Variants in JMJD1C observed in about 807,000 individuals in gnomAD.
JMJD1C encodes jumonji domain containing 1C, also known as jumonji domain-containing protein 1C.
Under a neutral mutation model 245.3 loss-of-function variants are expected in JMJD1C, and 31 were observed. That is an observed-to-expected ratio of 0.13 (90% CI 0.09 to 0.17). The LOEUF (loss-of-function observed/expected upper bound fraction) is 0.17, where lower values mean the gene tolerates loss of function less well. Among genes scored for constraint, JMJD1C ranks in the 10% least tolerant of loss-of-function variants. The pLI is 1.00. For synonymous variants in JMJD1C, 1,057 were observed against 1,017.4 expected, an observed-to-expected ratio of 1.04 and a Z score of -0.74; for missense variants, 2,691 against 3,000.2, an observed-to-expected ratio of 0.90 and a Z score of 2.41.
rs1847857361 is a variant in JMJD1C, at chr10:63,215,362, G to C, written c.916C>G (p.Gln306Glu). 1.2e-6 allele frequency: 2 copies of C among 1,613,690 alleles called. No individual in the cohort carries two copies. Among genetic ancestry groups the C allele is most frequent in the African/African-American group, 2.7e-5 (2 of 74,848 alleles). The part of the protein sequence containing the change: ...PKQNTHQQQQ[Q>E]RSIRPNKRKG... ...CTCTTATTTGGACGGATACTTCTTT[G>C]TTGCTGTTGCTGGTGTGTATTCTGT... The change falls in exon 7 of 26, where the codon CAA (glutamine) becomes GAA (glutamate). Residue 306 changes from glutamine (Q) to glutamate (E), a missense_variant. Transcript: ENST00000399262.
At position 63,191,064 on chromosome 10, in the gene JMJD1C, C is replaced by T. The variant is rs1226263650; in HGVS notation, c.6121G>A (p.Glu2041Lys). 4 of 1,613,942 alleles carry T rather than the reference C, an allele frequency of 2.5e-6. No individual in the cohort carries two copies. The Admixed American group carries it at 5.0e-5, about 20-fold the overall frequency. ...TLENQIKEER[E>K]QDNSESPNGR... ...TTTGGAGATTCAGAGTTGTCTTGTT[C>T]TCTTTCTTCTTTAATTTGGTTTTCA... The change falls in exon 17 of 26, where the codon GAA (glutamate) becomes AAA (lysine). Residue 2041 changes from glutamate (E) to lysine (K), a missense_variant. Physicochemically the swap from Glu to Lys is moderately conservative, Grantham distance 56. Coordinates refer to ENST00000399262, the MANE Select transcript of JMJD1C (RefSeq NM_032776.3).
intron 21 of JMJD1C, 115 bp from the exon 22 acceptor site, chr10:63,183,684 G>A: frequency 1.7e-6 from 1 of 578,040 alleles, no homozygotes; most frequent in South Asian, 3.8e-5. Context: ...TTGAGTTTTA[G>A]TTTCCTTATT....
At chr10:63,266,182 G>A (rs554403270) in intron 2 of JMJD1C, among the ~76,000 whole-genome samples, 20 of 151,784 alleles carry the variant, frequency 1.3e-4, no homozygotes, top group African/African-American at 4.3e-4. Context: ...ACTTATTTTC[G>A]ATATTTAAGA....
At chr10:63,347,362 T>TCACG (rs1943931820) in intron 2 of JMJD1C, among the ~76,000 whole-genome samples, 1 of 151,166 alleles carries the variant, frequency 6.6e-6, no homozygotes, top group African/African-American at 2.4e-5. Flanking sequence ...CGCGGGTGGA[T>TCACG]CACGAGGTCA....
intron 2 of JMJD1C, among the ~76,000 whole-genome samples, chr10:63,349,101 A>C (rs1282156398): frequency 8.4e-5 from 2 of 23,898 alleles, no homozygotes; most frequent in East Asian, 8.1e-4. Flanking sequence ...ACTCTGTCTC[A>C]AAAAAAAAAA....
intron 1 of JMJD1C, among the ~76,000 whole-genome samples, chr10:63,431,678 T>C (rs1478082458): frequency 2.0e-5 from 3 of 152,242 alleles, no homozygotes; most frequent in Admixed American, 2.0e-4. Context: ...GGTGATATTG[T>C]AACTCAGGGT....
chr10:63,479,885 G>A (rs562295153), intron 1 of JMJD1C, among the ~76,000 whole-genome samples: 1 of 152,246 alleles, frequency 6.6e-6, no homozygotes, highest in African/African-American at 2.4e-5. Context: ...TTTCTACTTT[G>A]AAAGATTCAG....
rs1396774570 is a variant in JMJD1C at position 63,292,143 on chromosome 10, G to GTTTTTTTTTTT, written c.334-27380_334-27379insAAAAAAAAAAA. On this transcript the variant is annotated intron_variant, in intron 2 of 25. Coordinates refer to ENST00000399262, the MANE Select transcript of JMJD1C (RefSeq NM_032776.3). ...ATTTTTTTTAGTTTCTGTAGAGACA[G>GTTTTTTTTTTT]ATTTTTTTTTTTTTTTTTTTGCCTA... Among the ~76,000 whole-genome samples, 24 of 13,514 alleles carry GTTTTTTTTTTT rather than the reference G, an allele frequency of 1.8e-3. 1 individual carries two copies. The highest frequency in any genetic ancestry group is 3.0e-3 in the Non-Finnish European group (17 of 5,668). The allele number at this position is 13,514 out of a possible 152,430, so 8.9% of individuals were successfully genotyped here. A position where few individuals can be genotyped will look rare whatever the true frequency, so the allele number is the denominator to read the frequency against.
intron 1 of JMJD1C, among the ~76,000 whole-genome samples, chr10:63,430,577 G>A (rs1950687813): frequency 6.6e-6 from 1 of 152,150 alleles, no homozygotes; most frequent in Non-Finnish European, 1.5e-5. Context: ...GGTTGCCAAA[G>A]GGCTGGAAGT....
intron 1 of JMJD1C, among the ~76,000 whole-genome samples, chr10:63,488,354 A>G (rs1052409635): frequency 1.3e-5 from 2 of 152,248 alleles, no homozygotes; most frequent in Admixed American, 1.3e-4. Flanking sequence ...TATTTTTAAA[A>G]TATCAATGTT....
chr10:63,358,048 C>T (rs560422142), intron 2 of JMJD1C, among the ~76,000 whole-genome samples: 2 of 151,922 alleles, frequency 1.3e-5, no homozygotes, highest in South Asian at 4.2e-4. Flanking sequence ...ATTTAAATGG[C>T]TTGCTGTTCT....
chr10:63,446,984 C>T (rs183192025), intron 1 of JMJD1C, among the ~76,000 whole-genome samples: 2 of 151,108 alleles, frequency 1.3e-5, no homozygotes, highest in African/African-American at 2.4e-5. Flanking sequence ...ATCTTTGTGA[C>T]ATACTCTGTT....
At chr10:63,402,330 T>A (rs1007104502) in intron 1 of JMJD1C, among the ~76,000 whole-genome samples, 1 of 152,160 alleles carries the variant, frequency 6.6e-6, no homozygotes, top group Non-Finnish European at 1.5e-5. Flanking sequence ...CTTGTAACAT[T>A]TCGTTAAAAT....
chr10:63,193,553 AT>A, intron 14 of JMJD1C, 81 bp from the exon 15 acceptor site: 1 of 852,346 alleles, frequency 1.2e-6, no homozygotes, highest in Non-Finnish European at 1.7e-6. Context: ...AATATTTTGT[AT>A]TATAATTGGG....
chr10:63,267,102 T>C (rs1855668696), intron 2 of JMJD1C, among the ~76,000 whole-genome samples: 1 of 152,152 alleles, frequency 6.6e-6, no homozygotes, highest in Admixed American at 6.5e-5. Flanking sequence ...TACAAGGACA[T>C]GAGTACTTAT....
intron 2 of JMJD1C, among the ~76,000 whole-genome samples, chr10:63,346,141 C>A (rs1943798215): frequency 6.6e-6 from 1 of 152,096 alleles, no homozygotes; most frequent in Admixed American, 6.5e-5. Context: ...CTCCTGGCCT[C>A]AAGAGATTCT....
chr10:63,467,485 TCAACA>T (rs1439293389), upstream of JMJD1C, among the ~76,000 whole-genome samples: 1 of 152,042 alleles, frequency 6.6e-6, no homozygotes, highest in Non-Finnish European at 1.5e-5. Context: ...TCCAACCTGG[TCAACA>T]AGAGCAAAAC....
intron 1 of JMJD1C, among the ~76,000 whole-genome samples, chr10:63,457,522 A>AAAC (rs1007579061): frequency 2.0e-5 from 3 of 152,202 alleles, no homozygotes; most frequent in Non-Finnish European, 4.4e-5. Flanking sequence ...AACAAGATTA[A>AAAC]AACAACAACA....
At position 63,387,629 on chromosome 10, in the gene JMJD1C, ATTTTTTTTT is replaced by A. The variant is rs71025169; in HGVS notation, c.169-7156_169-7148del. Among the ~76,000 whole-genome samples, 11 of 37,842 alleles carry A rather than the reference ATTTTTTTTT, an allele frequency of 2.9e-4. No individual in the cohort carries two copies. The South Asian group carries it at 3.7e-3, about 13-fold the overall frequency. The allele number at this position is 37,842 out of a possible 152,430, so 24.8% of individuals were successfully genotyped here. ...AGTCAGAAGAAAAAAGAAAAAAAAAATTTTTTTTTTTTTTTTTTTTTTTTGAGACGGAGT... is the reference window on the plus strand; with the variant it reads ...AGTCAGAAGAAAAAAGAAAAAAAAAATTTTTTTTTTTTTTTGAGACGGAGT... On this transcript the variant is annotated intron_variant, in intron 1 of 25. Coordinates refer to ENST00000399262, the MANE Select transcript of JMJD1C (RefSeq NM_032776.3).
Sources: gnomAD v4.1 joint callset for allele counts (sites outside exome capture counted in the v4.1 genomes callset) on GRCh38, gnomAD v4.1.1 for gene constraint, MANE v1.5 for transcripts, NCBI Gene and HGNC (gene_info 2026-07-23, HGNC 2026-07-21) for gene names.